INPP4B: variants seen among roughly 807,000 people sequenced by gnomAD.
INPP4B encodes inositol polyphosphate 4-phosphatase type II.
INPP4B carries 55 observed loss-of-function variants against 122.5 expected under a neutral mutation model. That is an observed-to-expected ratio of 0.45 (90% confidence interval 0.36 to 0.56). The LOEUF (loss-of-function observed/expected upper bound fraction) is 0.56. INPP4B is among the 20% of genes least tolerant of loss of function. The pLI, the probability that INPP4B is intolerant of heterozygous loss-of-function variation, is 0.00. For synonymous variants in INPP4B, 403 were observed against 388.7 expected (o/e 1.04, Z -0.43); for missense variants, 1,000 against 1,097.7 (o/e 0.91, Z 1.26).
intron 7 of INPP4B, among the ~76,000 whole-genome samples, chr4:142,391,889 T>C (rs907836728): frequency 5.1e-4 from 78 of 152,208 alleles, no homozygotes; most frequent in African/African-American, 1.8e-3. Flanking sequence ...TTTTATTCAA[T>C]TGTCATTTTC....
intron 1 of INPP4B, among the ~76,000 whole-genome samples, chr4:142,796,912 G>C (rs1242462132): frequency 9.6e-6 from 1 of 103,996 alleles, no homozygotes; most frequent in Non-Finnish European, 2.1e-5. Flanking sequence ...GTGTGTGTGT[G>C]TGTCTGTGTG....
At chr4:142,325,084 G>A (rs1197496040) in intron 7 of INPP4B, among the ~76,000 whole-genome samples, 1 of 152,154 alleles carries the variant, frequency 6.6e-6, no homozygotes, top group East Asian at 1.9e-4. Context: ...GGTCTCTCTA[G>A]TTATTTTTGC....
chr4:142,342,944 G>T lies in INPP4B; in HGVS notation c.373-28182C>A, dbSNP rs574635302. Among the ~76,000 whole-genome samples the T allele has an allele frequency of 3.3e-5, 5 of 152,176 alleles. No homozygotes were observed. In the South Asian group the frequency reaches 8.3e-4, roughly 25 times the overall value. ...AATAGTTAGTGGCCTCATTCCAAAG[G>T]TTCTATAAACCATTTTTGTAAGTGA... On this transcript the variant is annotated intron_variant, in intron 7 of 25. Transcript: ENST00000262992.
chr4:142,118,893 T>C (rs912279790), intron 21 of INPP4B, among the ~76,000 whole-genome samples: 6 of 151,908 alleles, frequency 3.9e-5, no homozygotes, highest in Non-Finnish European at 8.8e-5. Flanking sequence ...ACAATCTATC[T>C]ATCTGACAAA....
chr4:142,248,598 C>T (rs1730256669), intron 11 of INPP4B, among the ~76,000 whole-genome samples: 1 of 151,344 alleles, frequency 6.6e-6, no homozygotes, highest in Admixed American at 6.6e-5. Context: ...TTCAGCCTCC[C>T]AAAGTGCTGG....
chr4:142,029,970 T>TACTGA (rs1738763108), intron 25 of INPP4B: 33 of 1,380,178 alleles, frequency 2.4e-5, no homozygotes, highest in Non-Finnish European at 3.1e-5. Context: ...TAATGCATAG[T>TACTGA]ACTTTTTGTT....
intron 1 of INPP4B, chr4:142,765,865 C>T (rs1675022823): frequency 6.7e-6 from 1 of 150,184 alleles, no homozygotes; most frequent in South Asian, 2.1e-4. Context: ...TAATCAAATA[C>T]AGAACAATGT....
intron 21 of INPP4B, among the ~76,000 whole-genome samples, chr4:142,121,316 C>A (rs1027710916): frequency 3.3e-5 from 5 of 152,094 alleles, no homozygotes; most frequent in Non-Finnish European, 5.9e-5. Flanking sequence ...TATATGTTTA[C>A]TATCAACAGG....
intron 25 of INPP4B, among the ~76,000 whole-genome samples, chr4:142,032,965 T>C (rs1367102769): frequency 1.3e-5 from 2 of 151,994 alleles, no homozygotes; most frequent in Admixed American, 6.6e-5. Context: ...ACTCACAGAT[T>C]CTGTTTAATG....
At chr4:142,347,664 T>C (rs1780702442) in intron 7 of INPP4B, 3 of 323,632 alleles carry the variant, frequency 9.3e-6, no homozygotes, top group Non-Finnish European at 1.8e-5. Flanking sequence ...AATTAAAATA[T>C]TTGAGTAAAT....
At chr4:142,117,929 G>A (rs1463761232) in intron 21 of INPP4B, among the ~76,000 whole-genome samples, 4 of 151,998 alleles carry the variant, frequency 2.6e-5, no homozygotes, top group Non-Finnish European at 1.5e-5. Context: ...TAAGCTGATA[G>A]GCAACTTCAG....
intron 25 of INPP4B, among the ~76,000 whole-genome samples, chr4:142,055,323 T>C (rs1757035037): frequency 6.6e-6 from 1 of 152,110 alleles, no homozygotes; most frequent in South Asian, 2.1e-4. Flanking sequence ...ACTGAACTCA[T>C]TCTTGTCATT....
At chr4:142,430,994 T>C (rs913649368) in intron 4 of INPP4B, among the ~76,000 whole-genome samples, 175 bp downstream of exon 4, 2 of 152,136 alleles carry the variant, frequency 1.3e-5, no homozygotes, top group African/African-American at 2.4e-5. Flanking sequence ...AGGCATATCA[T>C]ACACTCATGC....
intron 2 of INPP4B, among the ~76,000 whole-genome samples, chr4:142,482,750 A>G (rs1452011956): frequency 6.6e-6 from 1 of 151,968 alleles, no homozygotes; most frequent in African/African-American, 2.4e-5. Context: ...GACCTTTTTG[A>G]CTTGGTCTAA....
At chr4:142,223,903 A>G (rs182983965) in intron 12 of INPP4B, among the ~76,000 whole-genome samples, 1 of 152,246 alleles carries the variant, frequency 6.6e-6, no homozygotes, top group African/African-American at 2.4e-5. Context: ...ACAGAGAAAC[A>G]GACAGAAACC....
chr4:142,580,698 G>A (rs1340859004), intron 2 of INPP4B, among the ~76,000 whole-genome samples: 1 of 151,960 alleles, frequency 6.6e-6, no homozygotes, highest in African/African-American at 2.4e-5. Flanking sequence ...CCCCCAAAAT[G>A]CCTGAGACAT....
intron 15 of INPP4B, among the ~76,000 whole-genome samples, chr4:142,174,416 G>T (rs1827054018): frequency 6.6e-6 from 1 of 152,102 alleles, no homozygotes; most frequent in South Asian, 2.1e-4. Flanking sequence ...TAGGTGAGGG[G>T]TGTGGAGGAA....
intron 3 of INPP4B, among the ~76,000 whole-genome samples, chr4:142,456,118 T>C (rs893813313): frequency 1.3e-5 from 2 of 152,054 alleles, no homozygotes; most frequent in Non-Finnish European, 2.9e-5. Context: ...CTTCATATTA[T>C]AGACTGTTTC....
intron 1 of INPP4B, among the ~76,000 whole-genome samples, chr4:142,790,943 C>T (rs765704364): frequency 9.2e-5 from 14 of 152,066 alleles, no homozygotes; most frequent in Non-Finnish European, 1.8e-4. Context: ...TAACACCAAA[C>T]ACAAACTCCA....
Sources: gnomAD v4.1 joint callset for allele counts (sites outside exome capture counted in the v4.1 genomes callset) on GRCh38, gnomAD v4.1.1 for gene constraint, MANE v1.5 for transcripts, NCBI Gene and HGNC (gene_info 2026-07-23, HGNC 2026-07-21) for gene names.